Variants in MCM9 observed in about 807,000 individuals in gnomAD.
The protein encoded by MCM9 is minichromosome maintenance 9 homologous recombination repair factor, also known as DNA helicase MCM9.
A neutral mutation model predicts 72.8 loss-of-function variants in MCM9; 55 were observed. That is an observed-to-expected ratio of 0.76 (90% CI 0.61 to 0.95). The LOEUF (loss-of-function observed/expected upper bound fraction) is 0.95, where lower values mean the gene tolerates loss of function less well. MCM9 is among the 40% of genes least tolerant of loss of function. MCM9 has a pLI of 0.00. For missense variants in MCM9, 1,279 were observed against 1,377.0 expected, an observed-to-expected ratio of 0.93 and a Z score of 1.13; for synonymous variants, 480 against 503.4, an observed-to-expected ratio of 0.95 and a Z score of 0.62.
intron 8 of MCM9, among the ~76,000 whole-genome samples, chr6:118,885,127 C>T (rs756700214): frequency 1.2e-4 from 19 of 152,030 alleles, no homozygotes; most frequent in Non-Finnish European, 2.4e-4. Context: ...ACCCGGGAGG[C>T]GGAGCTTACA....
At chr6:118,843,946 T>A (rs1775686590) in intron 9 of MCM9, among the ~76,000 whole-genome samples, 1 of 148,784 alleles carries the variant, frequency 6.7e-6, no homozygotes, top group South Asian at 2.1e-4. Context: ...GTACCAAATG[T>A]CTCAAAGGAA....
intron 8 of MCM9, among the ~76,000 whole-genome samples, chr6:118,873,207 G>A (rs1400193706): frequency 1.4e-5 from 1 of 69,914 alleles, no homozygotes; most frequent in African/African-American, 4.1e-5. Flanking sequence ...GGGAGGGGAG[G>A]GGAGGGAAAG....
intron 9 of MCM9, among the ~76,000 whole-genome samples, chr6:118,837,673 G>A (rs1295787135): frequency 6.6e-6 from 1 of 151,960 alleles, no homozygotes; most frequent in Non-Finnish European, 1.5e-5. Context: ...CAGAGACTAG[G>A]ATTGTAACCC....
At chr6:118,873,955 G>A (rs543186455) in intron 8 of MCM9, among the ~76,000 whole-genome samples, 3 of 152,220 alleles carry the variant, frequency 2.0e-5, no homozygotes, top group South Asian at 2.1e-4. Flanking sequence ...GTATAATCAC[G>A]TTAAAAAAAT....
chr6:118,840,742 C>CT (rs36185833), intron 9 of MCM9, among the ~76,000 whole-genome samples: 2 of 77,776 alleles, frequency 2.6e-5, no homozygotes, highest in African/African-American at 9.5e-5. Flanking sequence ...TCCCCCCCCC[C>CT]TTTTTTTTTT....
chr6:118,880,794 T>C (rs1476107048), intron 8 of MCM9, among the ~76,000 whole-genome samples: 3 of 152,218 alleles, frequency 2.0e-5, no homozygotes, highest in Non-Finnish European at 4.4e-5. Flanking sequence ...ATTCATTCTC[T>C]CTTCTTGTAG....
rs1213474484 is a variant in MCM9, at chr6:118,815,277, C to T, written c.2979G>A (p.Val993=). 3.2e-6 allele frequency: 5 copies of T among 1,550,584 alleles called. No individual in the cohort carries two copies. The highest frequency in any genetic ancestry group is 1.7e-6 in the Non-Finnish European group (2 of 1,146,960). ...SSQPQGETKE[V]SQQPPEKHGP... ...CGTGTTTCTCTGGTGGCTGCTGCGA[C>T]ACCTCCTTTGTCTCACCCTGTGGCT... The change falls in exon 14 of 14, where the codon GTG becomes GTA. Residue 993 remains valine, a synonymous_variant. Coordinates refer to ENST00000619706, the MANE Select transcript of MCM9 (RefSeq NM_017696.3).
intron 8 of MCM9, among the ~76,000 whole-genome samples, chr6:118,906,192 C>A (rs1486068354): frequency 6.6e-6 from 1 of 152,148 alleles, no homozygotes; most frequent in Non-Finnish European, 1.5e-5. Context: ...CCTGTCTCAG[C>A]CTCCCAAGTA....
At chr6:118,894,744 T>G (rs918211979) in intron 8 of MCM9, among the ~76,000 whole-genome samples, 1 of 152,194 alleles carries the variant, frequency 6.6e-6, no homozygotes, top group Non-Finnish European at 1.5e-5. Context: ...GGAACTTGTT[T>G]GAGCGGAGGA....
At chr6:118,851,083 A>T (rs888740799) in intron 9 of MCM9, among the ~76,000 whole-genome samples, 3 of 151,746 alleles carry the variant, frequency 2.0e-5, no homozygotes, top group Non-Finnish European at 4.4e-5. Flanking sequence ...AGTCTCTCAA[A>T]GTGCTGGGAT....
chr6:118,839,922 C>T (rs1198803857), intron 9 of MCM9, among the ~76,000 whole-genome samples: 4 of 152,276 alleles, frequency 2.6e-5, no homozygotes, highest in African/African-American at 9.6e-5. Context: ...TTGAGGAGGC[C>T]TTCTGTCCTA....
At chr6:118,915,541 T>C (rs1288968269) in intron 6 of MCM9, among the ~76,000 whole-genome samples, 2 of 152,168 alleles carry the variant, frequency 1.3e-5, no homozygotes, top group African/African-American at 4.8e-5. Context: ...CCTAGGTTCA[T>C]CCTAGCCAGT....
At chr6:118,857,279 G>A (rs1776620069) in intron 8 of MCM9, among the ~76,000 whole-genome samples, 1 of 152,126 alleles carries the variant, frequency 6.6e-6, no homozygotes, top group African/African-American at 2.4e-5. Flanking sequence ...TTTGCTTCCA[G>A]TTACAATATG....
intron 8 of MCM9, among the ~76,000 whole-genome samples, chr6:118,877,606 G>T (rs551178814): frequency 1.3e-5 from 2 of 152,098 alleles, no homozygotes; most frequent in East Asian, 1.9e-4. Context: ...GAATAATAAC[G>T]GATACAACTA....
chr6:118,897,972 G>A (rs1398714209), intron 8 of MCM9, among the ~76,000 whole-genome samples: 2 of 152,200 alleles, frequency 1.3e-5, no homozygotes, highest in Non-Finnish European at 2.9e-5. Flanking sequence ...GTTAAGGCTA[G>A]ATTCTCTCTC....
In MCM9 at chr6:118,892,987, A is replaced by G. The variant is rs149154643; in HGVS notation, c.1150+18663T>C. 2.8e-3 allele frequency among the ~76,000 whole-genome samples: 420 copies of G among 152,334 alleles called. 1 individual carries two copies. The highest frequency in any genetic ancestry group is 9.4e-3 in the African/African-American group (392 of 41,568). ...TACTAAGAGAAAACTCTTCCAGAACACATACTTAAGAATTAATTTTCTCTC... is the reference window on the plus strand; with the variant it reads ...TACTAAGAGAAAACTCTTCCAGAACGCATACTTAAGAATTAATTTTCTCTC... On this transcript the variant is annotated intron_variant, in intron 8 of 13. Coordinates refer to ENST00000619706, the MANE Select transcript of MCM9 (RefSeq NM_017696.3).
At chr6:118,882,569 C>A (rs1331168832) in intron 8 of MCM9, among the ~76,000 whole-genome samples, 1 of 152,178 alleles carries the variant, frequency 6.6e-6, no homozygotes, top group African/African-American at 2.4e-5. Context: ...AGCAACTTAT[C>A]CCCAGGGCAT....
intron 8 of MCM9, among the ~76,000 whole-genome samples, chr6:118,865,385 T>C (rs1777154087): frequency 6.6e-6 from 1 of 152,160 alleles, no homozygotes; most frequent in African/African-American, 2.4e-5. Context: ...TCTAAACTAC[T>C]CTTAGCTCTG....
intron 8 of MCM9, among the ~76,000 whole-genome samples, chr6:118,857,359 T>C (rs928227660): frequency 2.0e-5 from 3 of 152,184 alleles, no homozygotes; most frequent in Non-Finnish European, 4.4e-5. Flanking sequence ...TAAAGCAGAA[T>C]GGTCAGAAGA....
Sources: gnomAD v4.1 joint callset for allele counts (sites outside exome capture counted in the v4.1 genomes callset) on GRCh38, gnomAD v4.1.1 for gene constraint, MANE v1.5 for transcripts, NCBI Gene and HGNC (gene_info 2026-07-23, HGNC 2026-07-21) for gene names.